The following PSME4 variants were observed in gnomAD, a reference collection of about 807,000 sequenced individuals.
The protein encoded by PSME4 is proteasome activator subunit 4.
Under a neutral mutation model 253.9 loss-of-function variants are expected in PSME4, and 89 were observed. The ratio of observed to expected loss-of-function variants is 0.35; its 90% CI spans 0.30 to 0.42. The LOEUF (loss-of-function observed/expected upper bound fraction) is 0.42, where lower values mean the gene tolerates loss of function less well. PSME4 is among the 10% of genes least tolerant of loss of function. The pLI is 1.00. For synonymous variants in PSME4, 851 were observed against 759.2 expected (o/e 1.12, Z -1.99); for missense variants, 2,014 against 2,195.2 (o/e 0.92, Z 1.65).
rs2104441288 is a variant in PSME4, at chr2:53,908,239, T to C, written c.2784+81A>G. On this transcript the variant is annotated intron_variant, in intron 24 of 46. Coordinates refer to ENST00000404125, the MANE Select transcript of PSME4 (RefSeq NM_014614.3). ...TTTCCTTTTAGGAAAACTTCTTCTA[T>C]ATGCTGAATAATACCCAAATTACGA... The C allele has an allele frequency of 4.6e-6, 5 of 1,078,428 alleles. No homozygotes were observed. The South Asian group carries it at 6.3e-5, about 14-fold the overall frequency. 66.8% of individuals were successfully genotyped at this position (1,078,428 alleles called of 1,614,324 possible).
At chr2:53,955,695 G>A (rs1670199859) in intron 1 of PSME4, among the ~76,000 whole-genome samples, 1 of 152,160 alleles carries the variant, frequency 6.6e-6, no homozygotes, top group African/African-American at 2.4e-5. Context: ...GCCACGGCAA[G>A]CAGACTGCTC....
At chr2:53,913,470 A>G (rs1296021829) in intron 20 of PSME4, among the ~76,000 whole-genome samples, 1 of 152,226 alleles carries the variant, frequency 6.6e-6, no homozygotes, top group Admixed American at 6.5e-5. Context: ...GCTGTAAACA[A>G]TAATATAAAA....
chr2:53,875,417 T>C (rs1479276983), intron 42 of PSME4, among the ~76,000 whole-genome samples: 1 of 152,214 alleles, frequency 6.6e-6, no homozygotes, highest in Non-Finnish European at 1.5e-5. Context: ...ATTTTTGGCT[T>C]GACTGACTTG....
intron 29 of PSME4, among the ~76,000 whole-genome samples, chr2:53,899,435 C>T (rs1680290794): frequency 6.6e-6 from 1 of 152,154 alleles, no homozygotes; most frequent in South Asian, 2.1e-4. Context: ...GTAGTAATTA[C>T]TTCTCAACTT....
rs943915943 is a variant in PSME4, at chr2:53,970,907, G to A, written c.-123C>T. Reference sequence around the variant, plus strand: ...GGCCGCTGGCGGCCCGTCGCCCTCGGACCGATCGCTAGGCCCCCTTCCCTG... The same window carrying A: ...GGCCGCTGGCGGCCCGTCGCCCTCGAACCGATCGCTAGGCCCCCTTCCCTG... On this transcript the variant is annotated 5_prime_UTR_variant, in exon 1 of 47. Transcript: ENST00000404125. 6.2e-6 allele frequency: 5 copies of A among 802,940 alleles called. No homozygotes were observed. The highest frequency in any genetic ancestry group is 2.2e-5 in the South Asian group (1 of 45,134). The allele number at this position is 802,940 out of a possible 1,614,324, so 49.7% of individuals were successfully genotyped here.
At position 53,922,600 on chromosome 2, in the gene PSME4, T is replaced by C. The variant is rs1320502822; in HGVS notation, c.1979-16A>G. 1.2e-5 allele frequency: 19 copies of C among 1,609,222 alleles called. No individual in the cohort carries two copies. Among genetic ancestry groups the C allele is most frequent in the Non-Finnish European group, 1.4e-5 (16 of 1,178,268 alleles). On this transcript the variant is annotated splice_polypyrimidine_tract_variant and intron_variant, in intron 16 of 46. Coordinates refer to ENST00000404125, the MANE Select transcript of PSME4 (RefSeq NM_014614.3). ...ACATCATCATCTAAAAACAGCAAAA[T>C]ACTATTAGGGGGAAAAACCTATGCA... is the stretch of plus-strand genomic sequence containing the variant.
rs372177197 is a variant in PSME4 at position 53,904,770 on chromosome 2, C to T, written c.2944-614G>A. Among the ~76,000 whole-genome samples the T allele has an allele frequency of 1.3e-4, 20 of 152,098 alleles. No homozygotes were observed. In the East Asian group the frequency reaches 2.9e-3, roughly 22 times the overall value. On this transcript the variant is annotated intron_variant, in intron 26 of 46. Transcript: ENST00000404125. ...TTGGGAGGCTGAGGTGGGTGGATCA[C>T]CTGAGGTCAGGAGTTAGAGACCAGC...
intron 26 of PSME4, among the ~76,000 whole-genome samples, chr2:53,904,906 G>A (rs1186384587): frequency 6.6e-6 from 1 of 151,708 alleles, no homozygotes; most frequent in Non-Finnish European, 1.5e-5. Flanking sequence ...GAGAATTGCT[G>A]GAACTCAGGC....
Position 53,908,362 on chromosome 2 carries a change from T to A in PSME4, c.2742A>T (p.Arg914=). The change falls in exon 24 of 47, where the codon CGA becomes CGT. Residue 914 remains arginine (R), a synonymous_variant. Coordinates refer to ENST00000404125, the MANE Select transcript of PSME4 (RefSeq NM_014614.3). ...QGSHKHEFDS[R]WKSFNLVKKS... ...TCTTTACTAAGTTGAAGCTTTTCCA[T>A]CGGGAGTCAAATTCATGCTTGTGAG... 1.2e-6 allele frequency: 2 copies of A among 1,613,140 alleles called. No homozygotes were observed. The highest frequency in any genetic ancestry group is 8.5e-7 in the Non-Finnish European group (1 of 1,179,528).
intron 26 of PSME4, among the ~76,000 whole-genome samples, chr2:53,905,079 G>C (rs1680592173): frequency 6.6e-6 from 1 of 150,500 alleles, no homozygotes; most frequent in African/African-American, 2.4e-5. Flanking sequence ...ACCCAGGCTG[G>C]AGTGCAGTGG....
intron 20 of PSME4, 83 bp downstream of exon 20, chr2:53,919,068 C>T: frequency 7.6e-7 from 1 of 1,309,784 alleles, no homozygotes; most frequent in Non-Finnish European, 1.1e-6. Flanking sequence ...GAAATAAAAG[C>T]AATAACAACA....
intron 1 of PSME4, among the ~76,000 whole-genome samples, chr2:53,966,848 C>A (rs953254721): frequency 2.6e-5 from 4 of 152,108 alleles, no homozygotes; most frequent in African/African-American, 2.4e-5. Flanking sequence ...TAAAGGCGTG[C>A]ACCACCATGC....
chr2:53,928,819 C>T (rs1385895044), intron 10 of PSME4, among the ~76,000 whole-genome samples: 2 of 152,112 alleles, frequency 1.3e-5, no homozygotes, highest in East Asian at 1.9e-4. Flanking sequence ...TCCCCAATCC[C>T]CTGCTACCTT....
At chr2:53,899,167 C>T (rs919667119) in intron 29 of PSME4, among the ~76,000 whole-genome samples, 1 of 152,044 alleles carries the variant, frequency 6.6e-6, no homozygotes, top group African/African-American at 2.4e-5. Flanking sequence ...CAGGTTCAAG[C>T]GATCCTCCCA....
chr2:53,902,657 G>A (rs1297756293), intron 27 of PSME4, among the ~76,000 whole-genome samples: 1 of 152,134 alleles, frequency 6.6e-6, no homozygotes, highest in Non-Finnish European at 1.5e-5. Flanking sequence ...CAACACTCTT[G>A]AATTATACAT....
At chr2:53,898,130 T>C (rs770304124) in intron 30 of PSME4, 131 bp from the exon 31 acceptor site, 3 of 1,190,690 alleles carry the variant, frequency 2.5e-6, no homozygotes, top group African/African-American at 1.6e-5. Flanking sequence ...ATACTGCTCC[T>C]ATCATTAATC....
intron 22 of PSME4, 72 bp from the exon 23 acceptor site, chr2:53,908,637 C>G (rs760496432): frequency 8.6e-6 from 13 of 1,510,664 alleles, no homozygotes; most frequent in Non-Finnish European, 1.2e-5. Flanking sequence ...AGGCATTAGT[C>G]AAGAATCTAT....
At chr2:53,949,988 AAC>A (rs1669901239) in intron 1 of PSME4, among the ~76,000 whole-genome samples, 3 of 152,320 alleles carry the variant, frequency 2.0e-5, no homozygotes, top group South Asian at 4.1e-4. Context: ...ATTGAGACAT[AAC>A]CAGGCCAGGC....
intron 1 of PSME4, among the ~76,000 whole-genome samples, chr2:53,951,094 T>C (rs917579284): frequency 2.6e-5 from 4 of 152,106 alleles, no homozygotes; most frequent in East Asian, 3.9e-4. Flanking sequence ...TTCTTTTTTT[T>C]CCCCCCAAGA....
Sources: allele counts gnomAD v4.1 joint callset (sites outside exome capture counted in the v4.1 genomes callset), GRCh38; gene constraint gnomAD v4.1.1; transcripts MANE v1.5; gene names NCBI Gene and HGNC (gene_info 2026-07-23, HGNC 2026-07-21).